The following EHMT1 variants were observed in gnomAD, a reference collection of about 807,000 sequenced individuals.
EHMT1 encodes euchromatic histone lysine methyltransferase 1.
A neutral mutation model predicts 147.2 loss-of-function variants in EHMT1; 15 were observed. That is an observed-to-expected ratio of 0.10 (90% CI 0.07 to 0.16). The LOEUF is 0.16. Ranked by LOEUF, EHMT1 falls within the 10% of genes least tolerant of loss-of-function variation. The pLI is 1.00. For synonymous variants in EHMT1, 795 were observed against 709.6 expected (o/e 1.12, Z -1.91); for missense variants, 1,587 against 1,772.4 (o/e 0.90, Z 1.88).
Position 137,834,948 on chromosome 9 carries a change from C to G in EHMT1, c.3892C>G (p.Leu1298Val), listed in dbSNP as rs768498317. 15 of 1,454,474 alleles carry G rather than the reference C, an allele frequency of 1.0e-5. No individual in the cohort carries two copies. In the South Asian group the frequency reaches 1.7e-4, roughly 16 times the overall value. The allele number at this position is 1,454,474 out of a possible 1,614,324, so 90.1% of individuals were successfully genotyped here. Residue 1298 changes from leucine to valine, a missense_variant, in exon 27 of 27, where the codon CTA (leucine) becomes GTA (valine). Physicochemically the swap from Leu to Val is conservative, Grantham distance 32. Coordinates refer to ENST00000460843, the MANE Select transcript of EHMT1 (RefSeq NM_024757.5). ...DTSSAAAADP[L>V] ...CAGCTCCGCGGCTGCCGCCGACCCC[C>G]TATGAGACGCCGCCGGCCAGCGGGG...
intron 8 of EHMT1, among the ~76,000 whole-genome samples, chr9:137,757,121 A>G (rs1949435761): frequency 6.6e-6 from 1 of 152,220 alleles, no homozygotes; most frequent in Non-Finnish European, 1.5e-5. Context: ...TTGTGATTAC[A>G]AACACCCAAT....
At chr9:137,734,092 A>G (rs1947336777) in intron 4 of EHMT1, among the ~76,000 whole-genome samples, 1 of 152,226 alleles carries the variant, frequency 6.6e-6, no homozygotes, top group South Asian at 2.1e-4. Context: ...TACAAGGCAT[A>G]CAAAGAAACA....
chr9:137,696,399 C>G (rs1349910246), intron 1 of EHMT1, among the ~76,000 whole-genome samples: 2 of 152,178 alleles, frequency 1.3e-5, no homozygotes, highest in African/African-American at 4.8e-5. Context: ...AGTCTCTCTT[C>G]CAGATCCTGG....
chr9:137,710,902 GAT>G, intron 1 of EHMT1, 63 bp from the exon 2 acceptor site: 2 of 1,531,936 alleles, frequency 1.3e-6, no homozygotes, highest in Non-Finnish European at 8.8e-7. Flanking sequence ...TTTTCCAAAT[GAT>G]GTCCATTTGG....
intron 1 of EHMT1, among the ~76,000 whole-genome samples, chr9:137,650,550 A>C (rs998162199): frequency 1.3e-5 from 2 of 152,074 alleles, no homozygotes; most frequent in Non-Finnish European, 2.9e-5. Flanking sequence ...TTCTTTGTAG[A>C]AATGCCTGTT....
intron 25 of EHMT1, among the ~76,000 whole-genome samples, chr9:137,819,633 C>T (rs555829389): frequency 8.1e-6 from 1 of 123,124 alleles, no homozygotes; most frequent in Non-Finnish European, 1.5e-5. Flanking sequence ...CGCCGTGTAC[C>T]GAGACTGTAG....
chr9:137,728,735 A>T (rs1946843850), intron 4 of EHMT1: 1 of 652,120 alleles, frequency 1.5e-6, no homozygotes, highest in South Asian at 1.8e-5. Flanking sequence ...GCCAGCATTG[A>T]TTTCCTAGCT....
chr9:137,792,056 T>TA (rs931655802), intron 16 of EHMT1: 9 of 465,948 alleles, frequency 1.9e-5, no homozygotes, highest in Non-Finnish European at 4.0e-5. Context: ...TTTTTACAGA[T>TA]ACAGAAAACT....
intron 14 of EHMT1, among the ~76,000 whole-genome samples, chr9:137,780,275 A>T (rs1227137713): frequency 7.3e-6 from 1 of 136,710 alleles, no homozygotes. Context: ...TGTGGTGATG[A>T]TGCTGGGATG....
chr9:137,765,482 C>T (rs1950153124), intron 10 of EHMT1, among the ~76,000 whole-genome samples: 1 of 152,142 alleles, frequency 6.6e-6, no homozygotes, highest in Non-Finnish European at 1.5e-5. Flanking sequence ...TGGGCTCTCA[C>T]TTATTTTTTG....
chr9:137,803,125 G>A, intron 18 of EHMT1: 2 of 1,229,006 alleles, frequency 1.6e-6, no homozygotes, highest in Non-Finnish European at 1.0e-6. Flanking sequence ...TGTCAGAGCT[G>A]TTAGCTCTCT....
At chr9:137,706,643 C>T (rs934818101) in intron 1 of EHMT1, among the ~76,000 whole-genome samples, 6 of 151,972 alleles carry the variant, frequency 3.9e-5, no homozygotes, top group Admixed American at 6.6e-5. Flanking sequence ...CCTGCCACCA[C>T]GCCCAACTAA....
At chr9:137,655,291 A>G (rs1938322999) in intron 1 of EHMT1, among the ~76,000 whole-genome samples, 1 of 152,138 alleles carries the variant, frequency 6.6e-6, no homozygotes, top group African/African-American at 2.4e-5. Flanking sequence ...TGCTGGGATT[A>G]TAGGCGTGAG....
rs1480032345 is a variant in EHMT1, at chr9:137,731,468, G to T, written c.823+2939G>T. 6.6e-6 allele frequency among the ~76,000 whole-genome samples: 1 copy of T among 152,216 alleles called. No individual in the cohort carries two copies. The highest frequency in any genetic ancestry group is 2.4e-5 in the African/African-American group (1 of 41,466). On this transcript the variant is annotated intron_variant, in intron 4 of 26. Coordinates refer to ENST00000460843, the MANE Select transcript of EHMT1 (RefSeq NM_024757.5). The surrounding 1 kb of genome is among the most constrained non-coding windows in gnomAD (Gnocchi z 4.3). The stretch of plus-strand genomic sequence containing the variant: ...TTTCAACATGGCTGGAAAGACAGGA[G>T]TGCAGATGGAGGAGTCCCCTGTTAA...
chr9:137,632,024 G>A (rs1230536129), intron 1 of EHMT1, among the ~76,000 whole-genome samples: 4 of 152,102 alleles, frequency 2.6e-5, no homozygotes, highest in African/African-American at 7.2e-5. Context: ...CTGCAGTAAC[G>A]CGCTGTGCAG....
intron 24 of EHMT1, chr9:137,817,816 A>G: frequency 1.6e-6 from 1 of 622,982 alleles, no homozygotes; most frequent in South Asian, 1.9e-5. Context: ...TCTCTAGGGG[A>G]GGACCATTCT....
At chr9:137,647,929 GCTTT>G (rs927159671) in intron 1 of EHMT1, among the ~76,000 whole-genome samples, 1 of 152,034 alleles carries the variant, frequency 6.6e-6, no homozygotes, top group African/African-American at 2.4e-5. Flanking sequence ...GCTCTCTCCT[GCTTT>G]CTTTTTCTTC....
At chr9:137,740,464 G>T (rs1360917658) in intron 4 of EHMT1, among the ~76,000 whole-genome samples, 3 of 152,120 alleles carry the variant, frequency 2.0e-5, no homozygotes, top group Admixed American at 6.5e-5. Context: ...ACTGCCAGCC[G>T]TCCTGCAGTT....
chr9:137,735,379 G>A (rs1409272386), intron 4 of EHMT1, among the ~76,000 whole-genome samples: 1 of 151,924 alleles, frequency 6.6e-6, no homozygotes, highest in Non-Finnish European at 1.5e-5. Context: ...TAACCACAAA[G>A]AAAATAGCTA....
Sources: gnomAD v4.1 joint callset for allele counts (sites outside exome capture counted in the v4.1 genomes callset) on GRCh38, gnomAD v4.1.1 for gene constraint, Gnocchi (gnomAD v3.1) non-coding constraint, MANE v1.5 for transcripts, NCBI Gene and HGNC (gene_info 2026-07-23, HGNC 2026-07-21) for gene names.